The following MYO3A variants were observed in gnomAD, a reference collection of about 807,000 sequenced individuals.
The protein encoded by MYO3A is myosin-IIIa.
Under a neutral mutation model 192.7 loss-of-function variants are expected in MYO3A, and 180 were observed. The observed-to-expected ratio is 0.93, with a 90% CI of 0.83 to 1.06. The LOEUF (loss-of-function observed/expected upper bound fraction) is 1.06, where lower values mean the gene tolerates loss of function less well. Among genes scored for constraint, MYO3A ranks in the 50% least tolerant of loss-of-function variants. The pLI, the probability that MYO3A is intolerant of heterozygous loss-of-function variation, is 0.00. For missense variants in MYO3A, 1,896 were observed against 1,905.0 expected, an observed-to-expected ratio of 1.00 and a Z score of 0.09; for synonymous variants, 628 against 645.3, an observed-to-expected ratio of 0.97 and a Z score of 0.41.
chr10:26,092,778 C>T (rs1836778029), intron 15 of MYO3A, among the ~76,000 whole-genome samples: 1 of 152,196 alleles, frequency 6.6e-6, no homozygotes, highest in Non-Finnish European at 1.5e-5. Flanking sequence ...ACTTGCAAGA[C>T]CCCATGTCTG....
At chr10:26,038,539 C>T (rs72793947) in intron 10 of MYO3A, among the ~76,000 whole-genome samples, 25,333 of 152,056 alleles carry the variant, frequency 0.17, 2,388 homozygotes, top group Non-Finnish European at 0.21. Context: ...TTTTTGTACG[C>T]TGATTTTGCA....
intron 17 of MYO3A, among the ~76,000 whole-genome samples, chr10:26,103,392 G>A (rs1386804020): frequency 6.6e-6 from 1 of 152,190 alleles, no homozygotes; most frequent in African/African-American, 2.4e-5. Flanking sequence ...TGCACCCACT[G>A]TCTGACAAGC....
chr10:25,969,500 T>A, intron 4 of MYO3A, among the ~76,000 whole-genome samples: 1 of 152,182 alleles, frequency 6.6e-6, no homozygotes, highest in East Asian at 1.9e-4. Flanking sequence ...TGAAGTGGTA[T>A]GTTATTTTAA....
chr10:26,148,628 A>T (rs1357728662), intron 23 of MYO3A, among the ~76,000 whole-genome samples: 2 of 152,246 alleles, frequency 1.3e-5, no homozygotes, highest in Non-Finnish European at 2.9e-5. Context: ...CAATCAGCAC[A>T]GTATAGCTCT....
chr10:25,978,370 G>A (rs1024543089), intron 4 of MYO3A, among the ~76,000 whole-genome samples: 10 of 152,218 alleles, frequency 6.6e-5, no homozygotes, highest in Admixed American at 3.9e-4. Context: ...AGAAGGCAAG[G>A]AAGAGCAAGT....
intron 17 of MYO3A, among the ~76,000 whole-genome samples, chr10:26,104,957 G>A (rs1486750944): frequency 6.6e-6 from 1 of 151,634 alleles, no homozygotes; most frequent in African/African-American, 2.4e-5. Flanking sequence ...ATTAATATGG[G>A]ATTATATTAC....
chr10:26,065,693 A>G (rs1004027343), intron 10 of MYO3A, among the ~76,000 whole-genome samples: 7 of 150,136 alleles, frequency 4.7e-5, no homozygotes, highest in African/African-American at 1.7e-4. Context: ...AAGTCAGGGG[A>G]GGCAGTTTGT....
At chr10:26,088,489 A>G in intron 15 of MYO3A, 84 bp downstream of exon 15, 1 of 1,311,570 alleles carries the variant, frequency 7.6e-7, no homozygotes, top group Non-Finnish European at 1.1e-6. Context: ...TTCTCATTCA[A>G]TAAAATTTTA....
In MYO3A at chr10:26,075,919, C is replaced by T. The variant is rs1008069479; in HGVS notation, c.1359+5518C>T. ...TGATTTATGGGCATTTGGGTTGGTTCCATGATTTTACGATTGTAAATTGTG... is the reference window on the plus strand; with the variant it reads ...TGATTTATGGGCATTTGGGTTGGTTTCATGATTTTACGATTGTAAATTGTG... On this transcript the variant is annotated intron_variant, in intron 14 of 34. Coordinates refer to ENST00000642920, the MANE Select transcript of MYO3A (RefSeq NM_017433.5). 1.1e-4 allele frequency among the ~76,000 whole-genome samples: 16 copies of T among 151,156 alleles called. No individual in the cohort carries two copies. The East Asian group carries it at 2.9e-3, about 27-fold the overall frequency.
intron 2 of MYO3A, among the ~76,000 whole-genome samples, chr10:25,951,578 A>G (rs1837209908): frequency 6.6e-6 from 1 of 152,194 alleles, no homozygotes; most frequent in Admixed American, 6.5e-5. Flanking sequence ...ACATTAAGCA[A>G]AGGCCATATT....
At chr10:26,195,571 C>T (rs534662721) in intron 32 of MYO3A, among the ~76,000 whole-genome samples, 1 of 152,316 alleles carries the variant, frequency 6.6e-6, no homozygotes, top group Admixed American at 6.5e-5. Flanking sequence ...CCTTTCCAGC[C>T]TCTGTGCTTG....
intron 31 of MYO3A, among the ~76,000 whole-genome samples, chr10:26,179,293 G>A (rs1842494992): frequency 6.6e-6 from 1 of 151,210 alleles, no homozygotes; most frequent in East Asian, 1.9e-4. Flanking sequence ...ATTAGAGACT[G>A]GGTTTTACCA....
intron 6 of MYO3A, among the ~76,000 whole-genome samples, chr10:26,005,050 T>C (rs1310301845): frequency 6.6e-6 from 1 of 152,170 alleles, no homozygotes; most frequent in Non-Finnish European, 1.5e-5. Context: ...TTTCGAAATA[T>C]CTCTCCACAA....
intron 21 of MYO3A, 41 bp from the exon 22 acceptor site, chr10:26,145,405 C>T (rs372163699): frequency 1.5e-6 from 2 of 1,350,180 alleles, no homozygotes; most frequent in Non-Finnish European, 2.1e-6. Context: ...TTTTGAGGAT[C>T]TCATACATGC....
chr10:26,203,927 C>T lies in MYO3A; in HGVS notation c.4730+820C>T, dbSNP rs531329564. On this transcript the variant is annotated intron_variant, in intron 34 of 34. Transcript: ENST00000642920. ...GAGTGACCTTGCTCATGATAGTTGA[C>T]CTCTTTAAGCTTCATTTCCATATCT... 3.9e-5 allele frequency among the ~76,000 whole-genome samples: 6 copies of T among 152,268 alleles called. No individual in the cohort carries two copies. The South Asian group carries it at 1.2e-3, about 32-fold the overall frequency.
In MYO3A at chr10:26,147,429, G is replaced by A. The variant is rs201023600; in HGVS notation, c.2506-1G>A. 568 of 1,611,598 alleles carry A rather than the reference G, an allele frequency of 3.5e-4. No homozygotes were observed. The highest frequency in any genetic ancestry group is 4.4e-4 in the Non-Finnish European group (519 of 1,177,836). On this transcript the variant is annotated splice_acceptor_variant, in intron 22 of 34. Transcript: ENST00000642920. LOFTEE classifies it high-confidence loss of function. ...ATAATTATAGCATACTGTATCAACA[G>A]GTCCTCTATAATGCAAGTGGATTCT... is the stretch of plus-strand genomic sequence containing the variant.
chr10:26,116,836 G>C (rs1282169523), intron 17 of MYO3A, among the ~76,000 whole-genome samples: 4 of 152,134 alleles, frequency 2.6e-5, no homozygotes, highest in African/African-American at 4.8e-5. Context: ...ATAGATGCCA[G>C]TAGCACTCCA....
At chr10:25,974,143 A>G (rs998354183) in intron 4 of MYO3A, among the ~76,000 whole-genome samples, 1 of 152,224 alleles carries the variant, frequency 6.6e-6, no homozygotes, top group Admixed American at 6.5e-5. Context: ...CTATCATCAG[A>G]GCGAACAGGC....
At chr10:26,055,540 T>G (rs1412711694) in intron 10 of MYO3A, among the ~76,000 whole-genome samples, 2 of 152,266 alleles carry the variant, frequency 1.3e-5, no homozygotes, top group Middle Eastern at 3.4e-3. Context: ...AGTCTGACAG[T>G]TAAAAACTGT....
Sources: allele counts gnomAD v4.1 joint callset (sites outside exome capture counted in the v4.1 genomes callset), GRCh38; gene constraint gnomAD v4.1.1; transcripts MANE v1.5; gene names NCBI Gene and HGNC (gene_info 2026-07-23, HGNC 2026-07-21).